Variants in CDH13 observed in about 807,000 individuals in gnomAD.
The protein encoded by CDH13 is cadherin-13.
Under a neutral mutation model 63.8 loss-of-function variants are expected in CDH13, and 24 were observed. The observed-to-expected ratio is 0.38, with a 90% CI of 0.27 to 0.53. The LOEUF (loss-of-function observed/expected upper bound fraction) is 0.53, where lower values mean the gene tolerates loss of function less well. Among genes scored for constraint, CDH13 ranks in the 20% least tolerant of loss-of-function variants. The pLI, the probability that CDH13 is intolerant of heterozygous loss-of-function variation, is 0.85. For missense variants in CDH13, 1,049 were observed against 903.1 expected (o/e 1.16, Z -2.07); for synonymous variants, 503 against 355.3 (o/e 1.42, Z -4.67).
At chr16:82,700,980 G>A (rs1313968844) in intron 1 of CDH13, among the ~76,000 whole-genome samples, 66 of 27,624 alleles carry the variant, frequency 2.4e-3, no homozygotes, top group African/African-American at 7.9e-3. Context: ...CCCCCGCCCC[G>A]GGCATCTCCA....
chr16:83,311,736 C>A (rs952334339), intron 5 of CDH13, among the ~76,000 whole-genome samples: 4 of 152,198 alleles, frequency 2.6e-5, no homozygotes, highest in Non-Finnish European at 5.9e-5. Flanking sequence ...TTCTTCAAAG[C>A]CAATTTTATT....
intron 8 of CDH13, among the ~76,000 whole-genome samples, chr16:83,606,722 G>A (rs1908368489): frequency 1.2e-5 from 1 of 83,558 alleles, no homozygotes; most frequent in African/African-American, 8.1e-5. Context: ...ATGAGACCCA[G>A]TTTCAAAAAA....
At chr16:82,841,332 G>A (rs185854846) in intron 1 of CDH13, among the ~76,000 whole-genome samples, 3 of 152,314 alleles carry the variant, frequency 2.0e-5, no homozygotes, top group Admixed American at 6.5e-5. Flanking sequence ...AACAAAGCCT[G>A]TGGCTGGTGT....
chr16:83,062,754 G>C (rs2031672153), intron 3 of CDH13, among the ~76,000 whole-genome samples: 3 of 152,136 alleles, frequency 2.0e-5, no homozygotes, highest in Non-Finnish European at 4.4e-5. Flanking sequence ...ATGTTTCTGT[G>C]GGTCAAGAAT....
chr16:82,892,435 A>T (rs2151224288), intron 2 of CDH13, among the ~76,000 whole-genome samples: 1 of 152,276 alleles, frequency 6.6e-6, no homozygotes, highest in Non-Finnish European at 1.5e-5. Flanking sequence ...TTTCCTTCAT[A>T]AGTGTTATTC....
intron 2 of CDH13, among the ~76,000 whole-genome samples, chr16:82,866,766 T>G (rs532085191): frequency 1.3e-5 from 2 of 151,994 alleles, no homozygotes; most frequent in Non-Finnish European, 2.9e-5. Flanking sequence ...GGCACCTTCT[T>G]CACAAGGAGG....
intron 7 of CDH13, among the ~76,000 whole-genome samples, chr16:83,567,528 A>C (rs1904293634): frequency 6.6e-6 from 1 of 152,206 alleles, no homozygotes; most frequent in South Asian, 2.1e-4. Flanking sequence ...ATATGTACTT[A>C]TTTAAAAATT....
chr16:82,991,619 G>T (rs182496090), intron 2 of CDH13, among the ~76,000 whole-genome samples: 1 of 152,120 alleles, frequency 6.6e-6, no homozygotes, highest in Non-Finnish European at 1.5e-5. Context: ...TGACATGTGG[G>T]TGGGTCAAAT....
chr16:82,827,175 T>A (rs531421463), intron 1 of CDH13, among the ~76,000 whole-genome samples: 1 of 152,288 alleles, frequency 6.6e-6, no homozygotes, highest in African/African-American at 2.4e-5. Context: ...AAAATGTAGT[T>A]GTTGGACTCT....
intron 2 of CDH13, among the ~76,000 whole-genome samples, chr16:83,008,288 C>G (rs1913754311): frequency 6.6e-6 from 1 of 152,048 alleles, no homozygotes; most frequent in South Asian, 2.1e-4. Context: ...GATGGGCTGT[C>G]CAGGAAGGGG....
intron 9 of CDH13, among the ~76,000 whole-genome samples, chr16:83,676,686 T>G (rs1044095698): frequency 3.6e-4 from 55 of 152,198 alleles, no homozygotes; most frequent in African/African-American, 1.3e-3. Flanking sequence ...TTACTGACCC[T>G]GCTGGGAGTT....
At chr16:83,278,726 G>C (rs1360985757) in intron 5 of CDH13, among the ~76,000 whole-genome samples, 1 of 152,238 alleles carries the variant, frequency 6.6e-6, no homozygotes, top group Non-Finnish European at 1.5e-5. Context: ...GGATACAAGT[G>C]TGGCCAAATA....
At chr16:82,696,027 C>G (rs934532762) in intron 1 of CDH13, among the ~76,000 whole-genome samples, 5 of 152,180 alleles carry the variant, frequency 3.3e-5, no homozygotes, top group Non-Finnish European at 5.9e-5. Flanking sequence ...GTTACTTTCT[C>G]TCCCAAGCCT....
In CDH13 at chr16:83,683,783, T is replaced by C. The variant is rs77060922; in HGVS notation, c.1538+5322T>C. On this transcript the variant is annotated intron_variant, in intron 10 of 13. Coordinates refer to ENST00000567109, the MANE Select transcript of CDH13 (RefSeq NM_001257.5). ...TATTACTGTGTATTGTTAATGTTTT[T>C]TGGCATATACAGAATTCTTTGTTTT... Among the ~76,000 whole-genome samples, 1,176 of 152,336 alleles carry C rather than the reference T, an allele frequency of 7.7e-3. 16 individuals carry two copies. Among genetic ancestry groups the C allele is most frequent in the East Asian group, 0.064 (332 of 5,186 alleles).
chr16:83,586,365 G>A (rs1255877523), intron 7 of CDH13, among the ~76,000 whole-genome samples: 1 of 152,202 alleles, frequency 6.6e-6, no homozygotes, highest in Non-Finnish European at 1.5e-5. Flanking sequence ...TGGAGGAGGG[G>A]CGGAGGAAAG....
At chr16:82,826,400 A>G (rs1305060470) in intron 1 of CDH13, 2 of 152,106 alleles carry the variant, frequency 1.3e-5, no homozygotes, top group Non-Finnish European at 2.9e-5. Context: ...GTGTTTTTTT[A>G]TTTCCTACAT....
intron 7 of CDH13, among the ~76,000 whole-genome samples, chr16:83,537,252 G>A (rs934445370): frequency 1.3e-5 from 2 of 152,122 alleles, no homozygotes; most frequent in East Asian, 1.9e-4. Flanking sequence ...AAACCAAAGA[G>A]CGATTTTGCA....
At chr16:82,729,214 A>G (rs1437672827) in intron 1 of CDH13, among the ~76,000 whole-genome samples, 1 of 152,158 alleles carries the variant, frequency 6.6e-6, no homozygotes, top group East Asian at 1.9e-4. Flanking sequence ...AATCATGAAT[A>G]TTTTTAATGG....
intron 3 of CDH13, among the ~76,000 whole-genome samples, chr16:83,055,214 T>C (rs2030793223): frequency 6.6e-6 from 1 of 151,990 alleles, no homozygotes; most frequent in African/African-American, 2.4e-5. Context: ...CTTGAATGCA[T>C]ATATAAATCA....
Sources: gnomAD v4.1 joint callset for allele counts (sites outside exome capture counted in the v4.1 genomes callset) on GRCh38, gnomAD v4.1.1 for gene constraint, MANE v1.5 for transcripts, NCBI Gene and HGNC (gene_info 2026-07-23, HGNC 2026-07-21) for gene names.